The following RHAG variants were observed in gnomAD, a reference collection of about 807,000 sequenced individuals.
The protein encoded by RHAG is Rh associated glycoprotein, also known as ammonium transporter Rh type A.
A neutral mutation model predicts 42.4 loss-of-function variants in RHAG; 25 were observed. The observed-to-expected ratio is 0.59, with a 90% CI of 0.43 to 0.82. The LOEUF (loss-of-function observed/expected upper bound fraction) is 0.82. Ranked by LOEUF, RHAG falls within the 40% of genes least tolerant of loss-of-function variation. The pLI is 0.00. For missense variants in RHAG, 483 were observed against 504.6 expected (o/e 0.96, Z 0.41); for synonymous variants, 182 against 177.7 (o/e 1.02, Z -0.19).
At chr6:49,635,784 GT>G (rs1763002068) in intron 1 of RHAG, among the ~76,000 whole-genome samples, 1 of 152,044 alleles carries the variant, frequency 6.6e-6, no homozygotes, top group Non-Finnish European at 1.5e-5. Context: ...GTGTCAAATT[GT>G]TTTTTAAAAA....
At chr6:49,625,636 ATCC>A (rs976932446) in intron 1 of RHAG, among the ~76,000 whole-genome samples, 3 of 152,328 alleles carry the variant, frequency 2.0e-5, no homozygotes, top group African/African-American at 7.2e-5. Context: ...CAGCAGCAGC[ATCC>A]TCAACGTCAT....
chr6:49,625,278 C>G (rs761200688), intron 1 of RHAG, among the ~76,000 whole-genome samples: 21 of 152,326 alleles, frequency 1.4e-4, no homozygotes, highest in Non-Finnish European at 2.9e-4. Context: ...GTGGTTAAAA[C>G]ACAGGTTTTG....
chr6:49,613,885 T>C (rs1308177087), intron 5 of RHAG, among the ~76,000 whole-genome samples: 1 of 152,220 alleles, frequency 6.6e-6, no homozygotes, highest in Non-Finnish European at 1.5e-5. Flanking sequence ...ATTTCACCAT[T>C]ATTCCTACTG....
chr6:49,614,485 A>AAT (rs1762619533), intron 5 of RHAG, among the ~76,000 whole-genome samples: 1 of 152,048 alleles, frequency 6.6e-6, no homozygotes, highest in South Asian at 2.1e-4. Context: ...TACAGGCATT[A>AAT]GCCACTGCGC....
At chr6:49,617,701 A>G (rs1762677247) in intron 3 of RHAG, among the ~76,000 whole-genome samples, 1 of 152,214 alleles carries the variant, frequency 6.6e-6, no homozygotes, top group Non-Finnish European at 1.5e-5. Context: ...CTATTCACCT[A>G]GTAGTAAAAA....
intron 1 of RHAG, among the ~76,000 whole-genome samples, chr6:49,626,886 G>A (rs1762852712): frequency 6.6e-6 from 1 of 152,254 alleles, no homozygotes; most frequent in South Asian, 2.1e-4. Context: ...CTTGGGGCTT[G>A]CACCCGCTGA....
At position 49,605,835 on chromosome 6, in the gene RHAG, A is replaced by G. The variant is rs375151282; in HGVS notation, c.1213-5T>C. ...AAGTTATCTCGTCTTAGGGACCTTTAAAAAAACAAGTTTGAGGGCACTTAA... is the reference window on the plus strand; with the variant it reads ...AAGTTATCTCGTCTTAGGGACCTTTGAAAAAACAAGTTTGAGGGCACTTAA... On this transcript the variant is annotated splice_polypyrimidine_tract_variant and splice_region_variant and intron_variant, in intron 9 of 9. Coordinates refer to ENST00000371175, the MANE Select transcript of RHAG (RefSeq NM_000324.3). 6.2e-7 allele frequency: 1 copy of G among 1,611,780 alleles called. No homozygotes were observed. Among genetic ancestry groups the G allele is most frequent in the Non-Finnish European group, 8.5e-7 (1 of 1,177,946 alleles).
In RHAG at chr6:49,605,400, C is replaced by G. The variant is rs1292248993; in HGVS notation, c.*413G>C. ...ATGCATTTCTTTAATTATTTTTTTA[C>G]ATAGATTTCTCACATCTATTCTTGC... On this transcript the variant is annotated 3_prime_UTR_variant, in exon 10 of 10. Transcript: ENST00000371175. 1 of 217,590 alleles carries G rather than the reference C, an allele frequency of 4.6e-6. No individual in the cohort carries two copies. The highest frequency in any genetic ancestry group is 9.3e-6 in the Non-Finnish European group (1 of 107,264). The allele number at this position is 217,590 out of a possible 1,614,324, so 13.5% of individuals were successfully genotyped here.
intron 1 of RHAG, among the ~76,000 whole-genome samples, chr6:49,635,596 C>T (rs538509125): frequency 6.8e-4 from 104 of 152,220 alleles, no homozygotes; most frequent in African/African-American, 2.4e-3. Context: ...GACATCTATG[C>T]AGTGTAAAGA....
At chr6:49,610,020 G>A (rs1762547265) in intron 7 of RHAG, among the ~76,000 whole-genome samples, 1 of 151,896 alleles carries the variant, frequency 6.6e-6, no homozygotes, top group Admixed American at 6.6e-5. Context: ...GTTGAACAGT[G>A]AGAACACATG....
rs769320192 is a variant in RHAG at position 49,615,713 on chromosome 6, G to A, written c.551C>T (p.Ala184Val). Residue 184 changes from alanine to valine, a missense_variant, in exon 4 of 10, where the codon GCT (alanine) becomes GTT (valine). Ala to Val is a moderately conservative substitution (Grantham distance 64). Coordinates refer to ENST00000371175, the MANE Select transcript of RHAG (RefSeq NM_000324.3). ...IHAFGAYFGLAVAGILYRSGL... is the reference protein window; with the variant it reads ...IHAFGAYFGLVVAGILYRSGL... ...AGATCGATACAAGATGCCTGCTACA[G>A]CCAAGCCAAAGTAGGCCCCAAAGGC... is the stretch of plus-strand genomic sequence containing the variant. The A allele has an allele frequency of 6.2e-7, 1 of 1,614,098 alleles. No individual in the cohort carries two copies. Among genetic ancestry groups the A allele is most frequent in the Admixed American group, 1.7e-5 (1 of 60,018 alleles).
chr6:49,632,734 C>T (rs928755725), intron 1 of RHAG, among the ~76,000 whole-genome samples: 2 of 151,978 alleles, frequency 1.3e-5, no homozygotes, highest in Admixed American at 1.3e-4. Flanking sequence ...TTTAATGTCC[C>T]CTAGATATTA....
intron 1 of RHAG, among the ~76,000 whole-genome samples, chr6:49,632,728 A>G (rs941191693): frequency 4.6e-4 from 70 of 152,158 alleles, no homozygotes; most frequent in Non-Finnish European, 7.4e-5. Flanking sequence ...TATGATTTTA[A>G]TGTCCCCTAG....
At chr6:49,627,766 A>G (rs1762864141) in intron 1 of RHAG, among the ~76,000 whole-genome samples, 1 of 152,128 alleles carries the variant, frequency 6.6e-6, no homozygotes, top group Non-Finnish European at 1.5e-5. Flanking sequence ...CAGGTGAGAG[A>G]GCTGGTGCAG....
intron 4 of RHAG, 48 bp from the exon 5 acceptor site, chr6:49,614,901 G>A: frequency 6.6e-7 from 1 of 1,524,060 alleles, no homozygotes. Flanking sequence ...ATGGAAGACA[G>A]TCCAGAGGAT....
intron 5 of RHAG, 27 bp downstream of exon 5, chr6:49,614,660 T>C: frequency 6.2e-7 from 1 of 1,611,940 alleles, no homozygotes; most frequent in Non-Finnish European, 8.5e-7. Flanking sequence ...GAAGCAAAAT[T>C]TCCATGAGGG....
intron 1 of RHAG, among the ~76,000 whole-genome samples, chr6:49,633,239 T>C (rs1303989622): frequency 6.6e-6 from 1 of 152,194 alleles, no homozygotes; most frequent in Non-Finnish European, 1.5e-5. Context: ...CATAATGTAC[T>C]GTGAACTTCT....
At chr6:49,619,058 C>A in intron 2 of RHAG, 121 bp downstream of exon 2, 2 of 1,062,216 alleles carry the variant, frequency 1.9e-6, no homozygotes, top group East Asian at 2.5e-5. Flanking sequence ...AAACACTCTG[C>A]CTTCATGACC....
At chr6:49,608,166 C>T (rs1208798613) in intron 7 of RHAG, among the ~76,000 whole-genome samples, 1 of 152,126 alleles carries the variant, frequency 6.6e-6, no homozygotes, top group Non-Finnish European at 1.5e-5. Context: ...TACTATATTA[C>T]TTATTTTCAC....
Sources: gnomAD v4.1 joint callset for allele counts (sites outside exome capture counted in the v4.1 genomes callset) on GRCh38, gnomAD v4.1.1 for gene constraint, MANE v1.5 for transcripts, NCBI Gene and HGNC (gene_info 2026-07-23, HGNC 2026-07-21) for gene names.